The following CPNE4 variants were observed in gnomAD, a reference collection of about 807,000 sequenced individuals.
CPNE4 encodes copine 4.
A neutral mutation model predicts 67.9 loss-of-function variants in CPNE4; 25 were observed. That is an observed-to-expected ratio of 0.37 (90% CI 0.27 to 0.51). CPNE4 has a LOEUF of 0.51. CPNE4 is among the 20% of genes least tolerant of loss of function. The pLI is 0.93. For synonymous variants in CPNE4, 242 were observed against 244.9 expected, an observed-to-expected ratio of 0.99 and a Z score of 0.11; for missense variants, 464 against 690.8, an observed-to-expected ratio of 0.67 and a Z score of 3.68.
chr3:131,729,716 C>T (rs1401162949), intron 2 of CPNE4, among the ~76,000 whole-genome samples: 1 of 152,118 alleles, frequency 6.6e-6, no homozygotes, highest in Non-Finnish European at 1.5e-5. Context: ...TGATTTGTGC[C>T]ATTTCTGTGT....
At chr3:131,627,105 A>T (rs754133414) in intron 7 of CPNE4, among the ~76,000 whole-genome samples, 5 of 149,694 alleles carry the variant, frequency 3.3e-5, no homozygotes, top group Non-Finnish European at 7.4e-5. Flanking sequence ...AGGCAGGAGA[A>T]CTGCTTGAAC....
At chr3:131,926,124 T>C (rs1207866347) in intron 1 of CPNE4, among the ~76,000 whole-genome samples, 2 of 152,184 alleles carry the variant, frequency 1.3e-5, no homozygotes, top group African/African-American at 2.4e-5. Context: ...TGTTGGGCTC[T>C]CTCTGATAGA....
At chr3:131,870,647 TTA>T (rs1583373346) in intron 2 of CPNE4, among the ~76,000 whole-genome samples, 2 of 152,178 alleles carry the variant, frequency 1.3e-5, no homozygotes, top group East Asian at 1.9e-4. Flanking sequence ...CCTCCTTCTT[TTA>T]TAAACAGCCA....
intron 8 of CPNE4, among the ~76,000 whole-genome samples, chr3:131,582,675 T>A (rs1937914282): frequency 6.6e-6 from 1 of 152,086 alleles, no homozygotes; most frequent in African/African-American, 2.4e-5. Flanking sequence ...CATTAGGAAA[T>A]GTGATATAAG....
In CPNE4 at chr3:131,619,505, C is replaced by T. The variant is rs146497345; in HGVS notation, c.682-31923G>A. Reference sequence around the variant, plus strand: ...ATTATTGAACTCTGGGCTTTGTGTGCGGTGAAATGCACACACGATTCCATT... The same window carrying T: ...ATTATTGAACTCTGGGCTTTGTGTGTGGTGAAATGCACACACGATTCCATT... On this transcript the variant is annotated intron_variant, in intron 7 of 15. Transcript: ENST00000429747. 1.1e-3 allele frequency among the ~76,000 whole-genome samples: 173 copies of T among 152,156 alleles called. 2 individuals carry two copies. Among genetic ancestry groups the T allele is most frequent in the Non-Finnish European group, 2.9e-4 (20 of 67,984 alleles).
intron 2 of CPNE4, among the ~76,000 whole-genome samples, chr3:131,827,053 C>G (rs1041912106): frequency 2.7e-5 from 4 of 149,026 alleles, no homozygotes; most frequent in Admixed American, 1.3e-4. Flanking sequence ...CAAAACAAAA[C>G]AAAAAAAAAC....
At chr3:131,758,588 A>G (rs1223902663) in intron 2 of CPNE4, among the ~76,000 whole-genome samples, 3 of 152,136 alleles carry the variant, frequency 2.0e-5, no homozygotes, top group African/African-American at 4.8e-5. Context: ...AAATGAGTTA[A>G]GATTTTGGGA....
chr3:131,664,740 C>T (rs891398475), intron 7 of CPNE4, among the ~76,000 whole-genome samples: 3 of 152,060 alleles, frequency 2.0e-5, no homozygotes, highest in African/African-American at 4.8e-5. Flanking sequence ...ATAATGGAAC[C>T]TACCTCACAA....
At position 131,857,782 on chromosome 3, in the gene CPNE4, C is replaced by A. The variant is rs143068931; in HGVS notation, c.180+47482G>T. On this transcript the variant is annotated intron_variant, in intron 2 of 15. Transcript: ENST00000429747. ...ACCTCCCATCCTTTCTGCTGCTCAA[C>A]CAGGTATACTCCTAGACTAATTACG... Among the ~76,000 whole-genome samples, 306 of 152,068 alleles carry A rather than the reference C, an allele frequency of 2.0e-3. 1 individual carries two copies. The highest frequency in any genetic ancestry group is 6.8e-3 in the Middle Eastern group (2 of 294).
chr3:131,952,376 CG>C (rs1286033098), intron 1 of CPNE4, among the ~76,000 whole-genome samples: 1 of 150,372 alleles, frequency 6.7e-6, no homozygotes, highest in Non-Finnish European at 1.5e-5. Context: ...GCAGCCGCCC[CG>C]TCTGAGAAGT....
intron 1 of CPNE4, among the ~76,000 whole-genome samples, chr3:131,997,934 A>G (rs1038476801): frequency 3.3e-5 from 5 of 152,162 alleles, no homozygotes; most frequent in Non-Finnish European, 7.4e-5. Context: ...GCCTGCTTCC[A>G]TGATAATGAC....
chr3:132,038,893 CA>C (rs1235767687), upstream of CPNE4, among the ~76,000 whole-genome samples: 1 of 152,098 alleles, frequency 6.6e-6, no homozygotes, highest in Non-Finnish European at 1.5e-5. Context: ...TGTTTAGCTC[CA>C]AACCTTCATT....
At chr3:131,664,285 G>T (rs1227504504) in intron 7 of CPNE4, among the ~76,000 whole-genome samples, 1 of 152,082 alleles carries the variant, frequency 6.6e-6, no homozygotes, top group African/African-American at 2.4e-5. Context: ...ACACTCTCTG[G>T]AAGAATCTAT....
chr3:131,723,074 G>A (rs778995250), intron 3 of CPNE4, among the ~76,000 whole-genome samples: 2 of 152,212 alleles, frequency 1.3e-5, no homozygotes, highest in African/African-American at 2.4e-5. Flanking sequence ...CTGCATAGGG[G>A]TTCTCACAGC....
At chr3:131,731,296 C>G (rs1000439119) in intron 2 of CPNE4, among the ~76,000 whole-genome samples, 5 of 152,208 alleles carry the variant, frequency 3.3e-5, no homozygotes, top group African/African-American at 1.2e-4. Flanking sequence ...AGGGTTGCAT[C>G]CTTGCTTAGG....
chr3:131,536,106 G>A (rs1214036502), intron 15 of CPNE4, among the ~76,000 whole-genome samples: 3 of 152,124 alleles, frequency 2.0e-5, no homozygotes, highest in African/African-American at 7.2e-5. Flanking sequence ...GGGACGAGGG[G>A]GTTTAGGGGT....
At chr3:131,985,536 G>T (rs1341717831) in intron 1 of CPNE4, among the ~76,000 whole-genome samples, 2 of 152,140 alleles carry the variant, frequency 1.3e-5, no homozygotes, top group African/African-American at 4.8e-5. Flanking sequence ...GCCTATGATT[G>T]CCCAAATAGG....
intron 1 of CPNE4, among the ~76,000 whole-genome samples, chr3:131,974,827 G>C (rs187351449): frequency 1.4e-3 from 214 of 152,202 alleles, no homozygotes; most frequent in African/African-American, 5.0e-3. Context: ...GGGCAACATG[G>C]CAAAACCCTG....
At chr3:131,653,576 C>T (rs891740679) in intron 7 of CPNE4, among the ~76,000 whole-genome samples, 5 of 152,154 alleles carry the variant, frequency 3.3e-5, no homozygotes, top group Admixed American at 2.0e-4. Context: ...GCATAGAGGC[C>T]CTCAGTGCCT....
Sources: gnomAD v4.1 joint callset for allele counts (sites outside exome capture counted in the v4.1 genomes callset) on GRCh38, gnomAD v4.1.1 for gene constraint, MANE v1.5 for transcripts, NCBI Gene and HGNC (gene_info 2026-07-23, HGNC 2026-07-21) for gene names.